COL4A6: variants seen among roughly 807,000 people sequenced by gnomAD.
COL4A6 encodes collagen type IV alpha 6 chain.
COL4A6 carries 59 observed loss-of-function variants against 126.7 expected under a neutral mutation model. The ratio of observed to expected loss-of-function variants is 0.47; its 90% CI spans 0.38 to 0.58. The LOEUF (loss-of-function observed/expected upper bound fraction) is 0.58. Among genes scored for constraint, COL4A6 ranks in the 20% least tolerant of loss-of-function variants. COL4A6 has a pLI of 0.00. For missense variants in COL4A6, 1,285 were observed against 1,337.3 expected (o/e 0.96, Z 0.61); for synonymous variants, 547 against 496.6 (o/e 1.10, Z -1.35).
At position 108,195,220 on chromosome X, in the gene COL4A6, G is replaced by T. The variant is rs993673017; in HGVS notation, c.904-94C>A. ...AACAAAGTTATCCAACTGAGTTCAG[G>T]ATTTAGCAGCTCCTAAAATCAGGTA... On this transcript the variant is annotated intron_variant, in intron 14 of 44. Coordinates refer to ENST00000334504, the MANE Select transcript of COL4A6 (RefSeq NM_033641.4). 88 of 656,687 alleles carry T rather than the reference G, an allele frequency of 1.3e-4. 1 individual carries two copies. The East Asian group carries it at 2.9e-3, about 21-fold the overall frequency. 54.1% of individuals were successfully genotyped at this position (656,687 alleles called of 1,213,427 possible).
chrX:108,392,397 A>T (rs2040857591), intron 2 of COL4A6, among the ~76,000 whole-genome samples: 1 of 110,887 alleles, frequency 9.0e-6, no homozygotes, highest in South Asian at 3.9e-4. Flanking sequence ...ACAGATAAAG[A>T]ACTCTCACAA....
intron 3 of COL4A6, among the ~76,000 whole-genome samples, chrX:108,221,627 T>G (rs1020699317): frequency 8.9e-5 from 10 of 112,839 alleles, no homozygotes; most frequent in African/African-American, 2.9e-4. Flanking sequence ...AACTTTGTAC[T>G]TCTTAGGAAA....
At chrX:108,340,277 G>C (rs11092608) in intron 2 of COL4A6, among the ~76,000 whole-genome samples, 41,037 of 110,277 alleles carry the variant, frequency 0.37, 6,751 homozygotes, top group East Asian at 0.73. Context: ...AATATGGCTA[G>C]TTCTACTGAG....
At chrX:108,389,955 C>G (rs1409758512) in intron 2 of COL4A6, among the ~76,000 whole-genome samples, 1 of 111,676 alleles carries the variant, frequency 9.0e-6, no homozygotes, top group Non-Finnish European at 1.9e-5. Context: ...ATTTGCTTGT[C>G]TGTAAAGGAT....
chrX:108,393,004 T>A (rs1233362338), intron 2 of COL4A6, among the ~76,000 whole-genome samples: 1 of 112,022 alleles, frequency 8.9e-6, no homozygotes. Context: ...GACAAAGATA[T>A]GAGAAACTGA....
At chrX:108,309,801 AAC>A (rs4036315) in intron 3 of COL4A6, among the ~76,000 whole-genome samples, 4,832 of 80,691 alleles carry the variant, frequency 0.06, 133 homozygotes, top group Middle Eastern at 0.1. Context: ...TAATCCTGGA[AAC>A]ACACACACAC....
At chrX:108,375,020 C>T (rs1380899605) in intron 2 of COL4A6, among the ~76,000 whole-genome samples, 1 of 111,620 alleles carries the variant, frequency 9.0e-6, no homozygotes, top group Non-Finnish European at 1.9e-5. Context: ...GTTGTCTGTC[C>T]CCTGGAAACC....
rs55735045 is a variant in COL4A6 at position 108,397,643 on chromosome X, GAA to G, written c.63+40297_63+40298del. On this transcript the variant is annotated intron_variant, in intron 2 of 44. Transcript: ENST00000334504. The stretch of plus-strand genomic sequence containing the variant: ...GCAGAGAGGAGCCATCTAACTCCCT[GAA>G]AAAAAAAAAAACACATATGGAGAAG... Among the ~76,000 whole-genome samples the G allele has an allele frequency of 1.5e-3, 150 of 97,178 alleles. 4 individuals are homozygous for G. The East Asian group carries it at 0.035, about 23-fold the overall frequency. 84.4% of individuals were successfully genotyped at this position (97,178 alleles called of 115,157 possible).
chrX:108,206,249 G>A (rs1207973107), intron 9 of COL4A6: 14 of 440,010 alleles, frequency 3.2e-5, no homozygotes, highest in Non-Finnish European at 5.7e-5. Context: ...CAAGAAATGT[G>A]TCAGGGATCT....
chrX:108,324,166 G>A (rs2147951241), intron 2 of COL4A6, among the ~76,000 whole-genome samples: 1 of 112,303 alleles, frequency 8.9e-6, no homozygotes, highest in Non-Finnish European at 1.9e-5. Context: ...CAGAGACTGT[G>A]TCCCGTTAGA....
At chrX:108,335,610 T>C (rs2039412257) in intron 2 of COL4A6, among the ~76,000 whole-genome samples, 2 of 111,474 alleles carry the variant, frequency 1.8e-5, no homozygotes, top group Admixed American at 1.9e-4. Flanking sequence ...TATAAATATA[T>C]ACAGAAACAC....
chrX:108,304,622 T>C (rs2038578842), intron 3 of COL4A6, among the ~76,000 whole-genome samples: 2 of 112,021 alleles, frequency 1.8e-5, no homozygotes, highest in African/African-American at 6.5e-5. Context: ...GTTCTCATCT[T>C]GGAGAAAGAA....
chrX:108,425,733 A>ACACACAC (rs1429344016), intron 2 of COL4A6, among the ~76,000 whole-genome samples: 48 of 90,588 alleles, frequency 5.3e-4, no homozygotes, highest in East Asian at 3.2e-3. Context: ...CACACACACA[A>ACACACAC]ACACACACAC....
intron 3 of COL4A6, among the ~76,000 whole-genome samples, chrX:108,290,453 G>C (rs2147842232): frequency 8.9e-6 from 1 of 111,944 alleles, no homozygotes; most frequent in East Asian, 2.8e-4. Flanking sequence ...AAGTGGTGTG[G>C]GATTTCCACA....
chrX:108,160,708 G>C (rs1394914501), intron 42 of COL4A6, 54 bp from the exon 43 acceptor site: 2 of 1,042,223 alleles, frequency 1.9e-6, no homozygotes, highest in African/African-American at 1.9e-5. Context: ...GACAACATCA[G>C]CTACTCACAT....
At chrX:108,308,815 C>T (rs1245107281) in intron 3 of COL4A6, among the ~76,000 whole-genome samples, 4 of 111,846 alleles carry the variant, frequency 3.6e-5, no homozygotes, top group Non-Finnish European at 7.5e-5. Context: ...TCCTTAGTAT[C>T]TATGCTAGAG....
At chrX:108,312,997 C>T (rs781231431) in intron 2 of COL4A6, among the ~76,000 whole-genome samples, 1 of 112,142 alleles carries the variant, frequency 8.9e-6, no homozygotes, top group Non-Finnish European at 1.9e-5. Context: ...CTTAGGAACT[C>T]GCCAGAACAA....
At position 108,352,131 on chromosome X, in the gene COL4A6, C is replaced by T. The variant is rs778391710; in HGVS notation, c.64-41303G>A. Among the ~76,000 whole-genome samples, 4 of 112,670 alleles carry T rather than the reference C, an allele frequency of 3.6e-5. No individual in the cohort carries two copies. In the South Asian group the frequency reaches 1.1e-3, roughly 31 times the overall value. On this transcript the variant is annotated intron_variant, in intron 2 of 44. Coordinates refer to ENST00000334504, the MANE Select transcript of COL4A6 (RefSeq NM_033641.4). ...GCAGGCATTTGGAGAAGTATTTCTGCGGCTGTTGTGAAGTGCGTGTGCACC... is the reference window on the plus strand; with the variant it reads ...GCAGGCATTTGGAGAAGTATTTCTGTGGCTGTTGTGAAGTGCGTGTGCACC...
At position 108,165,315 on chromosome X, in the gene COL4A6, C is replaced by T. The variant is rs763080152; in HGVS notation, c.3808+55G>A. The stretch of plus-strand genomic sequence containing the variant: ...TGGCTGCGCTGTATACATGACTTCC[C>T]CAAATGTCAGACAAAAGGTGGTGGC... On this transcript the variant is annotated intron_variant, in intron 38 of 44. Transcript: ENST00000334504. 7.7e-6 allele frequency: 8 copies of T among 1,044,187 alleles called. No individual in the cohort carries two copies. In the East Asian group the frequency reaches 1.2e-4, roughly 16 times the overall value. 86.1% of individuals were successfully genotyped at this position (1,044,187 alleles called of 1,213,427 possible). A position where few individuals can be genotyped will look rare whatever the true frequency, so the allele number is the denominator to read the frequency against.
Sources: gnomAD v4.1 joint callset for allele counts (sites outside exome capture counted in the v4.1 genomes callset) on GRCh38, gnomAD v4.1.1 for gene constraint, MANE v1.5 for transcripts, NCBI Gene and HGNC (gene_info 2026-07-23, HGNC 2026-07-21) for gene names.